Variants in CNTNAP5 observed in about 807,000 individuals in gnomAD.
CNTNAP5 encodes the protein contactin-associated protein-like 5.
In CNTNAP5, 72 loss-of-function variants were observed where a neutral mutation model predicts 150.2. That is an observed-to-expected ratio of 0.48 (90% CI 0.40 to 0.58). The LOEUF (loss-of-function observed/expected upper bound fraction) is 0.58. Among genes scored for constraint, CNTNAP5 ranks in the 20% least tolerant of loss-of-function variants. The probability of loss-of-function intolerance (pLI) is 0.00; values close to 1 mark genes in which losing one functional copy is unlikely to be tolerated. For missense variants in CNTNAP5, 1,636 were observed against 1,626.2 expected (o/e 1.01, Z -0.10); for synonymous variants, 672 against 619.8 (o/e 1.08, Z -1.25).
intron 4 of CNTNAP5, among the ~76,000 whole-genome samples, chr2:124,430,396 A>G (rs983457859): frequency 1.3e-5 from 2 of 152,204 alleles, no homozygotes; most frequent in Non-Finnish European, 2.9e-5. Context: ...GTGCAAAAAA[A>G]CATCTAGAGA....
chr2:124,913,000 A>T (rs138295848), intron 23 of CNTNAP5, among the ~76,000 whole-genome samples: 46 of 152,218 alleles, frequency 3.0e-4, no homozygotes, highest in African/African-American at 1.1e-3. Context: ...ATGATTTAGG[A>T]ACATATATTT....
intron 1 of CNTNAP5, among the ~76,000 whole-genome samples, chr2:124,051,420 T>C (rs1681692304): frequency 6.6e-6 from 1 of 152,180 alleles, no homozygotes; most frequent in Non-Finnish European, 1.5e-5. Context: ...ACAAGGGCAC[T>C]CTAGGGTGTT....
chr2:124,544,834 T>C (rs979830050), intron 10 of CNTNAP5, among the ~76,000 whole-genome samples: 5 of 152,140 alleles, frequency 3.3e-5, no homozygotes, highest in Admixed American at 3.3e-4. Flanking sequence ...CAAATTCAGA[T>C]CTGGTGTGGT....
chr2:124,145,812 T>TAAAAAAAAA, intron 1 of CNTNAP5, among the ~76,000 whole-genome samples: 51 of 64,190 alleles, frequency 7.9e-4, no homozygotes, highest in Non-Finnish European at 9.8e-4. Context: ...AAAAAAACAT[T>TAAAAAAAAA]AAAAAAAAAA....
intron 10 of CNTNAP5, among the ~76,000 whole-genome samples, chr2:124,552,505 T>C (rs1695650131): frequency 6.6e-6 from 1 of 152,228 alleles, no homozygotes; most frequent in African/African-American, 2.4e-5. Context: ...CCTGGGCTTA[T>C]AATGTGCCTT....
intron 1 of CNTNAP5, among the ~76,000 whole-genome samples, chr2:124,139,426 C>T (rs919142796): frequency 3.3e-5 from 5 of 152,168 alleles, no homozygotes; most frequent in Non-Finnish European, 5.9e-5. Flanking sequence ...AAAGCAAGTC[C>T]GGCCCCTTGA....
chr2:124,291,070 G>A (rs1359981115), intron 3 of CNTNAP5, among the ~76,000 whole-genome samples: 2 of 151,972 alleles, frequency 1.3e-5, no homozygotes, highest in Non-Finnish European at 2.9e-5. Context: ...CAATCATTTT[G>A]AATGTGATAA....
chr2:124,632,470 A>G (rs1290362434), intron 12 of CNTNAP5, among the ~76,000 whole-genome samples: 2 of 151,894 alleles, frequency 1.3e-5, no homozygotes, highest in Admixed American at 6.6e-5. Context: ...ACCAAACACT[A>G]CATGTTCTCA....
At chr2:124,347,535 T>TG (rs138168219) in intron 3 of CNTNAP5, among the ~76,000 whole-genome samples, 5,182 of 152,322 alleles carry the variant, frequency 0.034, 150 homozygotes, top group Non-Finnish European at 0.056. Context: ...CATGGGGTGA[T>TG]TCCCCTGAGG....
At chr2:124,539,948 G>A (rs1695339665) in intron 10 of CNTNAP5, among the ~76,000 whole-genome samples, 1 of 152,108 alleles carries the variant, frequency 6.6e-6, no homozygotes, top group South Asian at 2.1e-4. Flanking sequence ...GCCCACTGCA[G>A]GGCTCTTCTC....
intron 19 of CNTNAP5, among the ~76,000 whole-genome samples, chr2:124,801,523 A>T (rs1421053926): frequency 1.3e-5 from 2 of 152,246 alleles, no homozygotes; most frequent in Non-Finnish European, 2.9e-5. Flanking sequence ...TGGAGAAACC[A>T]TAATAACTAT....
chr2:124,223,051 C>CA (rs1279379422), intron 2 of CNTNAP5, among the ~76,000 whole-genome samples: 1 of 152,050 alleles, frequency 6.6e-6, no homozygotes, highest in Non-Finnish European at 1.5e-5. Context: ...TTTGATTAAG[C>CA]ATTTTAGTTT....
At chr2:124,318,290 T>G (rs951409255) in intron 3 of CNTNAP5, among the ~76,000 whole-genome samples, 1 of 152,230 alleles carries the variant, frequency 6.6e-6, no homozygotes, top group East Asian at 1.9e-4. Flanking sequence ...CATTAACATC[T>G]AAACCTTAAG....
intron 1 of CNTNAP5, among the ~76,000 whole-genome samples, chr2:124,037,211 T>C (rs941363327): frequency 1.3e-5 from 2 of 152,216 alleles, no homozygotes; most frequent in Non-Finnish European, 2.9e-5. Flanking sequence ...GGCTTCATGC[T>C]TTCACTGATG....
At chr2:124,439,182 T>C (rs768076936) in intron 5 of CNTNAP5, among the ~76,000 whole-genome samples, 13 of 152,114 alleles carry the variant, frequency 8.5e-5, no homozygotes, top group Non-Finnish European at 1.6e-4. Context: ...GGAGATTTTA[T>C]TATGGAGAGG....
chr2:124,568,834 A>G (rs1020586568), intron 11 of CNTNAP5, among the ~76,000 whole-genome samples: 18 of 152,160 alleles, frequency 1.2e-4, no homozygotes, highest in Non-Finnish European at 2.2e-4. Flanking sequence ...TCATGAGGTC[A>G]GGAGATCGAG....
chr2:124,071,790 G>A (rs116750447), intron 1 of CNTNAP5, among the ~76,000 whole-genome samples: 1,998 of 151,918 alleles, frequency 0.013, 45 homozygotes, highest in African/African-American at 0.045. Flanking sequence ...CCAAACATTT[G>A]AAGAAGAACT....
intron 3 of CNTNAP5, among the ~76,000 whole-genome samples, chr2:124,321,911 A>G (rs1451143849): frequency 3.3e-5 from 5 of 152,186 alleles, no homozygotes; most frequent in African/African-American, 7.2e-5. Context: ...ACACTTTGGG[A>G]AGCCAAGGTG....
intron 1 of CNTNAP5, among the ~76,000 whole-genome samples, chr2:124,155,105 A>T (rs1679767906): frequency 9.6e-6 from 1 of 104,294 alleles, no homozygotes; most frequent in African/African-American, 3.8e-5. Context: ...TTTTGATGGC[A>T]CTAATTGTTC....
Sources: gnomAD v4.1 joint callset for allele counts (sites outside exome capture counted in the v4.1 genomes callset) on GRCh38, gnomAD v4.1.1 for gene constraint, MANE v1.5 for transcripts, NCBI Gene and HGNC (gene_info 2026-07-23, HGNC 2026-07-21) for gene names.